The following RASA1 variants were observed in gnomAD, a reference collection of about 807,000 sequenced individuals.
RASA1 encodes ras GTPase-activating protein 1.
RASA1 carries 25 observed loss-of-function variants against 132.2 expected under a neutral mutation model. The ratio of observed to expected loss-of-function variants is 0.19; its 90% CI spans 0.14 to 0.26. The LOEUF (loss-of-function observed/expected upper bound fraction) is 0.26. Ranked by LOEUF, RASA1 falls within the 10% of genes least tolerant of loss-of-function variation. The pLI, the probability that RASA1 is intolerant of heterozygous loss-of-function variation, is 1.00. For missense variants in RASA1, 964 were observed against 1,299.2 expected (o/e 0.74, Z 3.97); for synonymous variants, 477 against 449.9 (o/e 1.06, Z -0.76).
intron 5 of RASA1, among the ~76,000 whole-genome samples, chr5:87,340,680 C>T (rs954056120): frequency 1.2e-4 from 18 of 152,068 alleles, no homozygotes; most frequent in African/African-American, 2.7e-4. Context: ...TCACTTTTTA[C>T]GGGCTCAGAA....
chr5:87,342,746 T>C (rs900649393), intron 6 of RASA1, among the ~76,000 whole-genome samples: 4 of 152,216 alleles, frequency 2.6e-5, no homozygotes, highest in African/African-American at 9.6e-5. Context: ...GTAATCACTT[T>C]GTCTAGTTGT....
At chr5:87,389,099 G>A (rs911895754) in intron 23 of RASA1, among the ~76,000 whole-genome samples, 2 of 151,982 alleles carry the variant, frequency 1.3e-5, no homozygotes, top group African/African-American at 4.8e-5. Context: ...AGAAATTTGA[G>A]TATTAAAAAA....
In RASA1 at chr5:87,268,143, G is replaced by A. The variant is rs1753646213; in HGVS notation, c.-309G>A. The stretch of plus-strand genomic sequence containing the variant: ...TGCTTCCTTTCCTCTTTAGTGCAGC[G>A]AGGAAGTTTTCGCTTCTGTACATGT... On this transcript the variant is annotated 5_prime_UTR_variant, in exon 1 of 25. Transcript: ENST00000274376. The A allele has an allele frequency of 2.3e-6, 1 of 436,838 alleles. No homozygotes were observed. Among genetic ancestry groups the A allele is most frequent in the Non-Finnish European group, 4.0e-6 (1 of 247,936 alleles). The allele number at this position is 436,838 out of a possible 1,614,324, so 27.1% of individuals were successfully genotyped here. A position where few individuals can be genotyped will look rare whatever the true frequency, so the allele number is the denominator to read the frequency against.
At chr5:87,299,302 A>C (rs1329733936) in intron 1 of RASA1, among the ~76,000 whole-genome samples, 1 of 152,228 alleles carries the variant, frequency 6.6e-6, no homozygotes, top group Non-Finnish European at 1.5e-5. Context: ...AGTAGTATAG[A>C]GGAAGAACCC....
intron 15 of RASA1, among the ~76,000 whole-genome samples, chr5:87,375,447 G>C (rs1357788920): frequency 1.3e-5 from 2 of 152,120 alleles, no homozygotes; most frequent in Non-Finnish European, 2.9e-5. Flanking sequence ...TTTTAGTAGA[G>C]ACGGGGTTTC....
rs1023357594 is a variant in RASA1, at chr5:87,267,914, C to T, written c.-538C>T. The T allele has an allele frequency of 5.9e-5, 23 of 392,538 alleles. No individual in the cohort carries two copies. Among genetic ancestry groups the T allele is most frequent in the Non-Finnish European group, 2.2e-5 (5 of 223,510 alleles). 24.3% of individuals were successfully genotyped at this position (392,538 alleles called of 1,614,324 possible). On this transcript the variant is annotated 5_prime_UTR_variant, in exon 1 of 25. Transcript: ENST00000274376. ...TGAGAGCTCCAGGTAGTGAGCAGTT[C>T]AGTCGATTTCCTCGTTACCCCGCCC...
intron 1 of RASA1, among the ~76,000 whole-genome samples, chr5:87,281,943 T>C (rs1248934051): frequency 6.6e-6 from 1 of 152,204 alleles, no homozygotes; most frequent in African/African-American, 2.4e-5. Flanking sequence ...GTTCTTGATA[T>C]TAATCCCCCA....
intron 1 of RASA1, 87 bp downstream of exon 1, chr5:87,269,077 T>A: frequency 6.2e-7 from 1 of 1,613,980 alleles, no homozygotes; most frequent in Non-Finnish European, 8.5e-7. Context: ...TTTGTCCTTT[T>A]CATCTGTGGT....
intron 4 of RASA1, 41 bp downstream of exon 4, chr5:87,333,378 G>A (rs1166251813): frequency 6.2e-7 from 1 of 1,606,370 alleles, no homozygotes; most frequent in Non-Finnish European, 8.5e-7. Context: ...ATTTGAAAGA[G>A]CTAGACTTCG....
intron 8 of RASA1, among the ~76,000 whole-genome samples, chr5:87,350,738 G>T (rs1295345967): frequency 6.6e-6 from 1 of 151,012 alleles, no homozygotes; most frequent in African/African-American, 2.4e-5. Context: ...AAAGTTAAAT[G>T]TATGTTAATT....
At chr5:87,346,125 G>A (rs1440087455) in intron 6 of RASA1, among the ~76,000 whole-genome samples, 1 of 152,018 alleles carries the variant, frequency 6.6e-6, no homozygotes, top group Non-Finnish European at 1.5e-5. Flanking sequence ...TAGGCTGTTA[G>A]CTCAAATAGA....
chr5:87,268,547 A>G lies in RASA1; in HGVS notation c.96A>G (p.Ala32=). 1.2e-6 allele frequency: 2 copies of G among 1,602,276 alleles called. No homozygotes were observed. Among genetic ancestry groups the G allele is most frequent in the Non-Finnish European group, 1.7e-6 (2 of 1,175,702 alleles). ...GAAAGSSAYP[A]VCRVKIPAAL... is the part of the protein sequence containing the mutation. Reference sequence around the variant, plus strand: ...CAGCGGGCTCCAGTGCCTATCCCGCAGTGTGTCGGGTGAAGATACCCGCGG... The same window carrying G: ...CAGCGGGCTCCAGTGCCTATCCCGCGGTGTGTCGGGTGAAGATACCCGCGG... The change falls in exon 1 of 25, where the codon GCA becomes GCG. Residue 32 remains alanine, a synonymous_variant. Transcript: ENST00000274376.
chr5:87,314,268 A>G (rs1756147515), intron 1 of RASA1, among the ~76,000 whole-genome samples: 1 of 152,244 alleles, frequency 6.6e-6, no homozygotes, highest in South Asian at 2.1e-4. Context: ...TGGCCAAGCC[A>G]TAAAGATTAC....
At chr5:87,341,269 G>A (rs1435430913) in intron 5 of RASA1, 21 bp from the exon 6 acceptor site, 1 of 1,295,148 alleles carries the variant, frequency 7.7e-7, no homozygotes, top group Non-Finnish European at 1.0e-6. Flanking sequence ...ATAAAATACT[G>A]TCTTAATGTC....
intron 1 of RASA1, among the ~76,000 whole-genome samples, chr5:87,273,199 C>T (rs1053131422): frequency 1.3e-5 from 2 of 152,008 alleles, no homozygotes; most frequent in Non-Finnish European, 2.9e-5. Context: ...TTTCTGTGTA[C>T]GTGGTGAATC....
chr5:87,340,059 T>C (rs1758325305), intron 5 of RASA1, among the ~76,000 whole-genome samples: 1 of 152,182 alleles, frequency 6.6e-6, no homozygotes, highest in South Asian at 2.1e-4. Context: ...TTCACTGATG[T>C]ATTACCATTG....
intron 4 of RASA1, among the ~76,000 whole-genome samples, chr5:87,336,920 A>G (rs1456711640): frequency 2.6e-5 from 4 of 152,120 alleles, no homozygotes; most frequent in Non-Finnish European, 5.9e-5. Flanking sequence ...ATGTTGTATA[A>G]TACAAGTTCT....
chr5:87,377,338 TTTTTA>T (rs1761395441), intron 17 of RASA1, among the ~76,000 whole-genome samples: 1 of 152,048 alleles, frequency 6.6e-6, no homozygotes, highest in Non-Finnish European at 1.5e-5. Context: ...ATTCTCTTGT[TTTTTA>T]TTTTCTTTTG....
At chr5:87,371,535 A>T (rs1760939373) in intron 12 of RASA1, among the ~76,000 whole-genome samples, 1 of 152,176 alleles carries the variant, frequency 6.6e-6, no homozygotes, top group Non-Finnish European at 1.5e-5. Context: ...CTGCAATTTG[A>T]TTTGAATATT....
Sources: gnomAD v4.1 joint callset for allele counts (sites outside exome capture counted in the v4.1 genomes callset) on GRCh38, gnomAD v4.1.1 for gene constraint, MANE v1.5 for transcripts, NCBI Gene and HGNC (gene_info 2026-07-23, HGNC 2026-07-21) for gene names.